CILK1: variants seen among roughly 807,000 people sequenced by gnomAD.
CILK1 encodes serine/threonine-protein kinase ICK.
In CILK1, 47 loss-of-function variants were observed where a neutral mutation model predicts 79.2. That is an observed-to-expected ratio of 0.59 (90% confidence interval 0.47 to 0.76). The LOEUF (loss-of-function observed/expected upper bound fraction) is 0.76, where lower values mean the gene tolerates loss of function less well. Ranked by LOEUF, CILK1 falls within the 30% of genes least tolerant of loss-of-function variation. The pLI is 0.00. For missense variants in CILK1, 660 were observed against 769.5 expected (o/e 0.86, Z 1.68); for synonymous variants, 266 against 275.9 (o/e 0.96, Z 0.36).
chr6:53,017,502 A>C (rs1764961911), intron 7 of CILK1, among the ~76,000 whole-genome samples: 1 of 152,210 alleles, frequency 6.6e-6, no homozygotes, highest in South Asian at 2.1e-4. Context: ...ATAGGTATGA[A>C]GTGAGCGATA....
chr6:53,031,772 T>A (rs941635386), intron 4 of CILK1, among the ~76,000 whole-genome samples: 1 of 152,186 alleles, frequency 6.6e-6, no homozygotes, highest in Non-Finnish European at 1.5e-5. Context: ...GCTCTGCCCA[T>A]ATGTCCTAGT....
chr6:53,032,434 A>G (rs1259920303), intron 4 of CILK1, 99 bp downstream of exon 4: 24 of 644,790 alleles, frequency 3.7e-5, no homozygotes, highest in Non-Finnish European at 5.0e-5. Context: ...AAAAATAAAA[A>G]AAGAAAAAAA....
At chr6:53,044,721 G>A (rs1766945584) in intron 1 of CILK1, among the ~76,000 whole-genome samples, 1 of 152,160 alleles carries the variant, frequency 6.6e-6, no homozygotes. Context: ...CCTATGGAAA[G>A]GTAATTAGGC....
At chr6:53,053,061 A>AC in intron 1 of CILK1, among the ~76,000 whole-genome samples, 1 of 151,854 alleles carries the variant, frequency 6.6e-6, no homozygotes, top group East Asian at 1.9e-4. Flanking sequence ...TGAAAAAAAA[A>AC]AAAACCTTAT....
At chr6:53,061,556 T>C (rs1476307273) in intron 1 of CILK1, 40 bp downstream of exon 1, 2 of 152,268 alleles carry the variant, frequency 1.3e-5, no homozygotes, top group African/African-American at 4.8e-5. Flanking sequence ...CAGTGACAGG[T>C]CGCCCGGCAG....
intron 5 of CILK1, among the ~76,000 whole-genome samples, chr6:53,027,879 G>A (rs924260670): frequency 6.6e-6 from 1 of 152,004 alleles, no homozygotes; most frequent in Non-Finnish European, 1.5e-5. Context: ...CGGGCACAGT[G>A]GCTCATGCCT....
At chr6:53,013,114 C>G (rs1764675320) in intron 9 of CILK1, among the ~76,000 whole-genome samples, 1 of 152,160 alleles carries the variant, frequency 6.6e-6, no homozygotes, top group Admixed American at 6.5e-5. Context: ...CATGAACAAC[C>G]CTGTCTGGTA....
chr6:53,009,811 C>T (rs776314438), intron 11 of CILK1, among the ~76,000 whole-genome samples: 4 of 152,182 alleles, frequency 2.6e-5, no homozygotes, highest in Non-Finnish European at 4.4e-5. Context: ...CCTCTTGGCC[C>T]TCTGGTGCCA....
chr6:53,044,309 A>G lies in CILK1; in HGVS notation c.-172-2901T>C, dbSNP rs368961272. Among the ~76,000 whole-genome samples, 158 of 152,300 alleles carry G rather than the reference A, an allele frequency of 1.0e-3. 1 individual carries two copies. Among genetic ancestry groups the G allele is most frequent in the African/African-American group, 3.6e-3 (148 of 41,562 alleles). On this transcript the variant is annotated intron_variant, in intron 1 of 13. Transcript: ENST00000676107. Reference sequence around the variant, plus strand: ...GCACGAACCCTACTGTGAACTGCCCATGGGAGGGATCTAGGTTGCGTGCTC... The same window carrying G: ...GCACGAACCCTACTGTGAACTGCCCGTGGGAGGGATCTAGGTTGCGTGCTC...
Position 53,013,692 on chromosome 6 carries a change from G to A in CILK1, c.1122C>T (p.Phe374=). The A allele has an allele frequency of 1.9e-6, 3 of 1,614,094 alleles. No individual in the cohort carries two copies. Among genetic ancestry groups the A allele is most frequent in the Non-Finnish European group, 2.5e-6 (3 of 1,179,952 alleles). ...LQEDKPSPLL[F]PSLHNKHPQS... ...GTGGATGCTTGTTGTGGAGGGATGGGAAAAGCAACGGGCTTGGCTTGTCCT... is the reference window on the plus strand; with the variant it reads ...GTGGATGCTTGTTGTGGAGGGATGGAAAAAGCAACGGGCTTGGCTTGTCCT... Residue 374 remains phenylalanine, a synonymous_variant, in exon 9 of 14, where the codon TTC becomes TTT. Transcript: ENST00000676107.
chr6:53,060,182 A>C (rs1768315143), intron 1 of CILK1, among the ~76,000 whole-genome samples: 1 of 152,242 alleles, frequency 6.6e-6, no homozygotes, highest in Non-Finnish European at 1.5e-5. Context: ...ACAGTCAATA[A>C]ATAAAACTGC....
Position 53,011,913 on chromosome 6 carries a change from C to G in CILK1, c.1348G>C (p.Glu450Gln). ...RQSDDTLCRF[E>Q]SVLDLKPSEP... ...GAGGGCTTCAGGTCCAAAACACTCTCAAACCTGAATGAAGAGAGCATGGCT... is the reference window on the plus strand; with the variant it reads ...GAGGGCTTCAGGTCCAAAACACTCTGAAACCTGAATGAAGAGAGCATGGCT... The change falls in exon 11 of 14, where the codon GAG becomes CAG. Residue 450 changes from glutamate (E) to glutamine (Q), a missense_variant. Coordinates refer to ENST00000676107, the MANE Select transcript of CILK1 (RefSeq NM_014920.5). 6.2e-7 allele frequency: 1 copy of G among 1,614,154 alleles called. No individual in the cohort carries two copies. Among genetic ancestry groups the G allele is most frequent in the Non-Finnish European group, 8.5e-7 (1 of 1,180,030 alleles).
At chr6:53,012,695 C>T (rs980855237) in intron 9 of CILK1, among the ~76,000 whole-genome samples, 3 of 152,166 alleles carry the variant, frequency 2.0e-5, no homozygotes, top group African/African-American at 4.8e-5. Context: ...TACAACAGGA[C>T]ATTTCCATAC....
At chr6:53,033,159 G>A (rs898167412) in intron 3 of CILK1, among the ~76,000 whole-genome samples, 10 of 152,220 alleles carry the variant, frequency 6.6e-5, no homozygotes, top group African/African-American at 2.4e-4. Flanking sequence ...GTATGTCCAT[G>A]AGGCATAGAG....
At chr6:53,021,251 C>A (rs760204428) in intron 5 of CILK1, among the ~76,000 whole-genome samples, 3 of 143,044 alleles carry the variant, frequency 2.1e-5, no homozygotes, top group South Asian at 2.3e-4. Flanking sequence ...CTTGAACCTG[C>A]GAGGTGGAGG....
chr6:53,020,648 C>T (rs568914002), intron 5 of CILK1, among the ~76,000 whole-genome samples: 1 of 152,236 alleles, frequency 6.6e-6, no homozygotes, highest in South Asian at 2.1e-4. Flanking sequence ...AATTCAGAAA[C>T]ACTGCTGGAC....
At chr6:53,053,990 G>C (rs757828048) in intron 1 of CILK1, among the ~76,000 whole-genome samples, 3 of 151,660 alleles carry the variant, frequency 2.0e-5, no homozygotes, top group Non-Finnish European at 4.4e-5. Context: ...GCTAGCATTT[G>C]TCTAAGAAAA....
At chr6:53,058,187 C>A (rs115995385) in intron 1 of CILK1, among the ~76,000 whole-genome samples, 1 of 152,128 alleles carries the variant, frequency 6.6e-6, no homozygotes, top group Non-Finnish European at 1.5e-5. Flanking sequence ...TTCCCTAAAA[C>A]CTGTTGAGTA....
intron 5 of CILK1, among the ~76,000 whole-genome samples, chr6:53,028,868 A>C (rs1356098297): frequency 6.6e-6 from 1 of 151,936 alleles, no homozygotes; most frequent in African/African-American, 2.4e-5. Flanking sequence ...ATGTAGGCAT[A>C]TATGCATGTG....
Sources: allele counts gnomAD v4.1 joint callset (sites outside exome capture counted in the v4.1 genomes callset), GRCh38; gene constraint gnomAD v4.1.1; transcripts MANE v1.5; gene names NCBI Gene and HGNC (gene_info 2026-07-23, HGNC 2026-07-21).